Variants in TRAK2 observed in about 807,000 individuals in gnomAD.
The protein encoded by TRAK2 is trafficking kinesin-binding protein 2.
Under a neutral mutation model 104.6 loss-of-function variants are expected in TRAK2, and 81 were observed. The ratio of observed to expected loss-of-function variants is 0.77; its 90% CI spans 0.65 to 0.93. The LOEUF is 0.93. Among genes scored for constraint, TRAK2 ranks in the 40% least tolerant of loss-of-function variants. The pLI is 0.00. For synonymous variants in TRAK2, 406 were observed against 394.4 expected (o/e 1.03, Z -0.35); for missense variants, 1,002 against 1,089.0 (o/e 0.92, Z 1.12).
intron 1 of TRAK2, among the ~76,000 whole-genome samples, chr2:201,429,621 A>G (rs1430831356): frequency 1.3e-5 from 2 of 152,126 alleles, no homozygotes; most frequent in Admixed American, 6.5e-5. Flanking sequence ...TTGATCTTCA[A>G]TGAGTGATAC....
At chr2:201,394,297 G>A (rs1020194441) in intron 9 of TRAK2, among the ~76,000 whole-genome samples, 5 of 149,808 alleles carry the variant, frequency 3.3e-5, no homozygotes, top group East Asian at 2.0e-4. Flanking sequence ...ATGTTACCAC[G>A]TTACTAGTTT....
At chr2:201,413,061 A>T (rs1951661943) in intron 2 of TRAK2, 1 of 827,142 alleles carries the variant, frequency 1.2e-6, no homozygotes, top group Non-Finnish European at 2.1e-6. Flanking sequence ...CATTTTAGAG[A>T]ATCAATTATT....
At position 201,381,027 on chromosome 2, in the gene TRAK2, A is replaced by G. The variant is rs1033342921; in HGVS notation, c.2261T>C (p.Val754Ala). The change falls in exon 16 of 16, where the codon GTG (valine) becomes GCG (alanine). Residue 754 changes from valine (V) to alanine (A), a missense_variant. Transcript: ENST00000332624. ...GTTCTCTGAAATTGGGCTGTGGTAC[A>G]CTTTGGCAGAGATGCCTCGCTCTTG... ...LLQERGISAK[V>A]YHSPISENPL... 1.9e-6 allele frequency: 3 copies of G among 1,613,966 alleles called. No homozygotes were observed. The African/African-American group carries it at 4.0e-5, about 22-fold the overall frequency.
chr2:201,384,299 T>TG, intron 14 of TRAK2, 83 bp from the exon 15 acceptor site: 5 of 991,386 alleles, frequency 5.0e-6, no homozygotes, highest in African/African-American at 1.7e-5. Flanking sequence ...TTATTAATAA[T>TG]ATAGCATTTA....
At chr2:201,428,980 G>A (rs1458040417) in intron 1 of TRAK2, among the ~76,000 whole-genome samples, 1 of 152,114 alleles carries the variant, frequency 6.6e-6, no homozygotes, top group African/African-American at 2.4e-5. Context: ...GTCTGTTATT[G>A]GTGTATAGGA....
At chr2:201,440,131 C>T (rs1177109299) in intron 1 of TRAK2, among the ~76,000 whole-genome samples, 1 of 151,662 alleles carries the variant, frequency 6.6e-6, no homozygotes, top group Non-Finnish European at 1.5e-5. Context: ...AGAAAATAAC[C>T]CGCTCATATG....
chr2:201,379,007 A>T lies in TRAK2; in HGVS notation c.*1536T>A, dbSNP rs1380176457. ...GAAAACTGCCTTTAAGTCAGGACAA[A>T]GGAACAAAACATTTGCAAATTAAGC... On this transcript the variant is annotated 3_prime_UTR_variant, in exon 16 of 16. Transcript: ENST00000332624. The T allele has an allele frequency of 6.6e-5, 10 of 152,204 alleles. No individual in the cohort carries two copies. The highest frequency in any genetic ancestry group is 2.2e-4 in the African/African-American group (9 of 41,452). The allele number at this position is 152,204 out of a possible 1,614,324, so 9.4% of individuals were successfully genotyped here.
At chr2:201,416,918 T>C (rs1951696738) in intron 2 of TRAK2, among the ~76,000 whole-genome samples, 1 of 149,294 alleles carries the variant, frequency 6.7e-6, no homozygotes, top group Non-Finnish European at 1.5e-5. Flanking sequence ...AAAAAGAAAA[T>C]AGGAGTACAG....
At chr2:201,427,350 T>A (rs758904476) in intron 1 of TRAK2, among the ~76,000 whole-genome samples, 8 of 125,460 alleles carry the variant, frequency 6.4e-5, no homozygotes, top group Non-Finnish European at 1.3e-4. Context: ...CAGGCCCTGG[T>A]ATGTGATATT....
chr2:201,446,389 C>G (rs757250883), intron 1 of TRAK2, among the ~76,000 whole-genome samples: 8 of 152,234 alleles, frequency 5.3e-5, no homozygotes, highest in Non-Finnish European at 1.2e-4. Flanking sequence ...CTTTTCCCAA[C>G]AGGCCTTCCC....
At chr2:201,434,611 T>G (rs182662475) in intron 1 of TRAK2, among the ~76,000 whole-genome samples, 4 of 152,284 alleles carry the variant, frequency 2.6e-5, no homozygotes, top group African/African-American at 9.6e-5. Flanking sequence ...TATAGATTTA[T>G]ACCCTAAAAT....
At chr2:201,395,066 T>C in intron 8 of TRAK2, 194 bp from the exon 9 acceptor site, 2 of 620,250 alleles carry the variant, frequency 3.2e-6, no homozygotes, top group Non-Finnish European at 5.5e-6. Context: ...ACAATGGGCA[T>C]GAGTCAATAA....
chr2:201,380,352 T>A lies in TRAK2; in HGVS notation c.*191A>T, dbSNP rs1576500956. 1.6e-6 allele frequency: 1 copy of A among 628,924 alleles called. No homozygotes were observed. The highest frequency in any genetic ancestry group is 2.7e-5 in the East Asian group (1 of 36,480). The allele number at this position is 628,924 out of a possible 1,614,324, so 39.0% of individuals were successfully genotyped here. The stretch of plus-strand genomic sequence containing the variant: ...TGAACACTCATGGCCCATTCATTTA[T>A]ACTTTCAATTTGCCCGACTTCCTCC... On this transcript the variant is annotated 3_prime_UTR_variant, in exon 16 of 16. Transcript: ENST00000332624.
chr2:201,410,367 T>TA (rs1259412634), intron 2 of TRAK2, among the ~76,000 whole-genome samples: 1 of 151,856 alleles, frequency 6.6e-6, no homozygotes, highest in Non-Finnish European at 1.5e-5. Context: ...CTCAGTGCTT[T>TA]AAAAAAACTC....
chr2:201,413,103 T>C, intron 2 of TRAK2: 1 of 1,014,446 alleles, frequency 9.9e-7, no homozygotes, highest in East Asian at 2.4e-5. Flanking sequence ...TATTTGTCAA[T>C]CATTTTTTAT....
At chr2:201,449,034 A>G (rs1290112071) in intron 1 of TRAK2, among the ~76,000 whole-genome samples, 1 of 152,344 alleles carries the variant, frequency 6.6e-6, no homozygotes, top group South Asian at 2.1e-4. Flanking sequence ...AACTGAAAAG[A>G]ACCTTTTGAT....
rs1951404996 is a variant in TRAK2, at chr2:201,387,763, T to C, written c.1636A>G (p.Ser546Gly). 3.1e-6 allele frequency: 5 copies of C among 1,613,956 alleles called. No individual in the cohort carries two copies. The East Asian group carries it at 1.1e-4, about 36-fold the overall frequency. Residue 546 changes from serine (S) to glycine (G), a missense_variant, in exon 13 of 16, where the codon AGT becomes GGT. Ser to Gly is a moderately conservative substitution (Grantham distance 56). Coordinates refer to ENST00000332624, the MANE Select transcript of TRAK2 (RefSeq NM_015049.3). ...ATAAAACCTCGAAGGCAACTGGCACTGCTGAGGTCTGTGATCTCTGACTGG... is the reference window on the plus strand; with the variant it reads ...ATAAAACCTCGAAGGCAACTGGCACCGCTGAGGTCTGTGATCTCTGACTGG... Reference protein sequence around the residue: ...TTQSEITDLSSASCLRGFMPE... With the variant: ...TTQSEITDLSGASCLRGFMPE...
At chr2:201,428,304 C>G (rs1559452037) in intron 1 of TRAK2, among the ~76,000 whole-genome samples, 1 of 152,158 alleles carries the variant, frequency 6.6e-6, no homozygotes, top group Non-Finnish European at 1.5e-5. Context: ...GGTTTTAGGT[C>G]TAACATTTAA....
In TRAK2 at chr2:201,398,294, C is replaced by T. The variant is rs1951520358; in HGVS notation, c.541G>A (p.Ala181Thr). 1 of 1,613,608 alleles carries T rather than the reference C, an allele frequency of 6.2e-7. No homozygotes were observed. Among genetic ancestry groups the T allele is most frequent in the African/African-American group, 1.3e-5 (1 of 74,906 alleles). The change falls in exon 6 of 16, where the codon GCT (alanine) becomes ACT (threonine). Residue 181 changes from alanine to threonine, a missense_variant. Coordinates refer to ENST00000332624, the MANE Select transcript of TRAK2 (RefSeq NM_015049.3). ...KDELLRIVSI[A>T]SEESETDSSC... ...GAATCAGTTTCACTTTCTTCAGAAG[C>T]AATGGAGACGATTCGAAGTAACTCA...
Sources: gnomAD v4.1 joint callset for allele counts (sites outside exome capture counted in the v4.1 genomes callset) on GRCh38, gnomAD v4.1.1 for gene constraint, MANE v1.5 for transcripts, NCBI Gene and HGNC (gene_info 2026-07-23, HGNC 2026-07-21) for gene names.